The following GRIA4 variants were observed in gnomAD, a reference collection of about 807,000 sequenced individuals.
GRIA4 encodes the protein glutamate ionotropic receptor AMPA type subunit 4, also known as glutamate receptor 4.
GRIA4 carries 34 observed loss-of-function variants against 104.0 expected under a neutral mutation model. The observed-to-expected ratio is 0.33, with a 90% CI of 0.25 to 0.44. The LOEUF is 0.44. Ranked by LOEUF, GRIA4 falls within the 20% of genes least tolerant of loss-of-function variation. The pLI is 1.00. For missense variants in GRIA4, 750 were observed against 1,096.5 expected, an observed-to-expected ratio of 0.68 and a Z score of 4.46; for synonymous variants, 386 against 381.9, an observed-to-expected ratio of 1.01 and a Z score of -0.13.
chr11:105,837,221 C>A (rs1339422942), intron 4 of GRIA4, among the ~76,000 whole-genome samples: 13 of 152,044 alleles, frequency 8.6e-5, no homozygotes, highest in Non-Finnish European at 1.5e-4. Context: ...GTCCCTCCTT[C>A]GACAAGTGGA....
rs1247206385 is a variant in GRIA4, at chr11:105,981,778, T to C, written c.*2039T>C. On this transcript the variant is annotated 3_prime_UTR_variant, in exon 17 of 17. Coordinates refer to ENST00000282499, the MANE Select transcript of GRIA4 (RefSeq NM_000829.4). The stretch of plus-strand genomic sequence containing the variant: ...CCTCAGTGCGTAACTCCTCCCTGTC[T>C]CCTCTTTACCTGAGTAACTTGTACT... 1 of 152,612 alleles carries C rather than the reference T, an allele frequency of 6.6e-6. No homozygotes were observed. Among genetic ancestry groups the C allele is most frequent in the Non-Finnish European group, 1.5e-5 (1 of 68,080 alleles). 9.5% of individuals were successfully genotyped at this position (152,612 alleles called of 1,614,324 possible).
intron 14 of GRIA4, chr11:105,966,001 A>G: frequency 6.2e-7 from 1 of 1,613,808 alleles, no homozygotes; most frequent in Non-Finnish European, 8.5e-7. Flanking sequence ...TCTTGGACAA[A>G]TTGAAAAACA....
chr11:105,976,054 A>T (rs936144920), intron 16 of GRIA4, among the ~76,000 whole-genome samples: 1 of 152,134 alleles, frequency 6.6e-6, no homozygotes, highest in Non-Finnish European at 1.5e-5. Context: ...GAATGCTTTC[A>T]TCTTAATGTT....
chr11:105,636,958 G>T (rs978085738), intron 3 of GRIA4, among the ~76,000 whole-genome samples: 2 of 151,996 alleles, frequency 1.3e-5, no homozygotes. Context: ...CTTTTCAGTT[G>T]GTTTTAACAG....
chr11:105,709,653 G>A (rs1403606035), intron 3 of GRIA4, among the ~76,000 whole-genome samples: 3 of 152,032 alleles, frequency 2.0e-5, no homozygotes, highest in Non-Finnish European at 2.9e-5. Flanking sequence ...TCACTTCTGC[G>A]GTATTTCTGC....
At chr11:105,961,880 G>T (rs1195993829) in intron 14 of GRIA4, among the ~76,000 whole-genome samples, 3 of 152,276 alleles carry the variant, frequency 2.0e-5, no homozygotes, top group Middle Eastern at 3.4e-3. Flanking sequence ...CAACAATAAA[G>T]TGTTCATCCT....
chr11:105,924,651 G>A lies in GRIA4; in HGVS notation c.1729G>A (p.Glu577Lys). 3 of 1,613,144 alleles carry A rather than the reference G, an allele frequency of 1.9e-6. No individual in the cohort carries two copies. Among genetic ancestry groups the A allele is most frequent in the Non-Finnish European group, 2.5e-6 (3 of 1,179,444 alleles). ...TAGTCCATATGAGTGGCACACAGAA[G>A]AGCCAGAGGACGGAAAGGAAGGACC... ...RFSPYEWHTE[E>K]PEDGKEGPSD... Residue 577 changes from glutamate to lysine, a missense_variant, in exon 12 of 17, where the codon GAG becomes AAG. By Grantham distance (56) the Glu-to-Lys change is moderately conservative. Transcript: ENST00000282499.
Position 105,684,546 on chromosome 11 carries a change from C to CATATAT in GRIA4, c.248-68425_248-68420dup, listed in dbSNP as rs72399419. 9.3e-3 allele frequency among the ~76,000 whole-genome samples: 1,353 copies of CATATAT among 144,958 alleles called. 10 individuals carry two copies. The highest frequency in any genetic ancestry group is 0.015 in the Admixed American group (219 of 14,396). On this transcript the variant is annotated intron_variant, in intron 3 of 16. Coordinates refer to ENST00000282499, the MANE Select transcript of GRIA4 (RefSeq NM_000829.4). ...AAAATAAGGCAAATATATATATATA[C>CATATAT]ATATATATATATATACACACCTTTA...
intron 3 of GRIA4, among the ~76,000 whole-genome samples, chr11:105,653,554 A>G (rs1165595622): frequency 6.6e-6 from 1 of 152,216 alleles, no homozygotes; most frequent in African/African-American, 2.4e-5. Flanking sequence ...ATATTTTTCA[A>G]TTGTCATTGA....
At chr11:105,767,904 G>C (rs1941026262) in intron 4 of GRIA4, among the ~76,000 whole-genome samples, 1 of 152,112 alleles carries the variant, frequency 6.6e-6, no homozygotes, top group South Asian at 2.1e-4. Flanking sequence ...TGCTGCCGAT[G>C]AGGACCTCTC....
chr11:105,620,724 A>T (rs901601878), intron 3 of GRIA4, among the ~76,000 whole-genome samples: 2 of 151,910 alleles, frequency 1.3e-5, no homozygotes, highest in African/African-American at 4.8e-5. Context: ...CCAAGTGTAA[A>T]AACGACTAAA....
intron 3 of GRIA4, among the ~76,000 whole-genome samples, chr11:105,673,821 T>A (rs1952450830): frequency 6.6e-6 from 1 of 151,980 alleles, no homozygotes; most frequent in African/African-American, 2.4e-5. Context: ...ACAAAATGTA[T>A]AAAATATCTA....
At chr11:105,742,431 G>A (rs973954097) in intron 3 of GRIA4, among the ~76,000 whole-genome samples, 1 of 151,846 alleles carries the variant, frequency 6.6e-6, no homozygotes, top group Non-Finnish European at 1.5e-5. Flanking sequence ...TATCTTTCTG[G>A]AGCCTCATTT....
At chr11:105,927,906 A>G (rs1947760706) in intron 13 of GRIA4, among the ~76,000 whole-genome samples, 1 of 152,020 alleles carries the variant, frequency 6.6e-6, no homozygotes, top group African/African-American at 2.4e-5. Flanking sequence ...AGAATATTTA[A>G]TAGCATAGAA....
At chr11:105,733,895 T>C (rs1271489904) in intron 3 of GRIA4, among the ~76,000 whole-genome samples, 1 of 151,580 alleles carries the variant, frequency 6.6e-6, no homozygotes, top group African/African-American at 2.4e-5. Context: ...ATGCCTTTCC[T>C]GGTAAGGTTA....
intron 3 of GRIA4, among the ~76,000 whole-genome samples, chr11:105,669,817 T>C (rs1040228019): frequency 1.4e-4 from 22 of 152,164 alleles, no homozygotes; most frequent in African/African-American, 5.3e-4. Flanking sequence ...GTTTTAGTCA[T>C]TTTTAACGAA....
At position 105,957,455 on chromosome 11, in the gene GRIA4, G is replaced by C. The variant is rs562627903; in HGVS notation, c.2295-14459G>C. Among the ~76,000 whole-genome samples, 114 of 152,250 alleles carry C rather than the reference G, an allele frequency of 7.5e-4. 1 individual carries two copies. The highest frequency in any genetic ancestry group is 3.4e-3 in the Middle Eastern group (1 of 294). On this transcript the variant is annotated intron_variant, in intron 14 of 16. Coordinates refer to ENST00000282499, the MANE Select transcript of GRIA4 (RefSeq NM_000829.4). ...GCATTATTTCTGAGGGCTCTGTTCT[G>C]TTCCATTGGTCTATATCTCCGTTTT...
intron 3 of GRIA4, among the ~76,000 whole-genome samples, chr11:105,682,591 G>T (rs1952745891): frequency 6.6e-6 from 1 of 152,122 alleles, no homozygotes; most frequent in South Asian, 2.1e-4. Context: ...TAGAAGTATG[G>T]TCAGCCCTGC....
At chr11:105,742,959 A>T (rs1376777121) in intron 3 of GRIA4, among the ~76,000 whole-genome samples, 1 of 151,458 alleles carries the variant, frequency 6.6e-6, no homozygotes, top group African/African-American at 2.4e-5. Flanking sequence ...CTGGTCTCGG[A>T]CTCCTGGCCT....
Sources: allele counts gnomAD v4.1 joint callset (sites outside exome capture counted in the v4.1 genomes callset), GRCh38; gene constraint gnomAD v4.1.1; transcripts MANE v1.5; gene names NCBI Gene and HGNC (gene_info 2026-07-23, HGNC 2026-07-21).